ZP4: variants seen among roughly 807,000 people sequenced by gnomAD.
ZP4 encodes zona pellucida glycoprotein 4, also known as zona pellucida sperm-binding protein 4.
ZP4 carries 62 observed loss-of-function variants against 62.3 expected under a neutral mutation model. That is an observed-to-expected ratio of 0.99 (90% CI 0.81 to 1.23). The LOEUF (loss-of-function observed/expected upper bound fraction) is 1.23. Ranked by LOEUF, ZP4 falls within the 50% of genes most tolerant of loss-of-function variation. The probability of loss-of-function intolerance (pLI) is 0.00; values close to 1 mark genes in which losing one functional copy is unlikely to be tolerated. For synonymous variants in ZP4, 289 were observed against 247.3 expected (o/e 1.17, Z -1.58); for missense variants, 774 against 656.0 (o/e 1.18, Z -1.97).
In ZP4 at chr1:237,882,420, T is replaced by C. The variant is rs1171162682; in HGVS notation, c.*2A>G. The C allele has an allele frequency of 6.2e-7, 1 of 1,609,944 alleles. No homozygotes were observed. The highest frequency in any genetic ancestry group is 1.1e-5 in the South Asian group (1 of 90,184). On this transcript the variant is annotated 3_prime_UTR_variant, in exon 12 of 12. Coordinates refer to ENST00000366570, the MANE Select transcript of ZP4 (RefSeq NM_021186.5). ...AGCACAGGCTGGGAATACACTCTGGTTTTATTGACACATTTGGTCTGGGCA... is the reference window on the plus strand; with the variant it reads ...AGCACAGGCTGGGAATACACTCTGGCTTTATTGACACATTTGGTCTGGGCA...
Position 237,890,065 on chromosome 1 carries a change from A to G in ZP4, c.287T>C (p.Val96Ala). ...TTGGGTCATACTCACCCACTCAGTG[A>G]CATAGCAGCTGCTATAGGTTGCCTC... ...VLEATYSSCY[V>A]TEWDSHYIMP... is the part of the protein sequence containing the mutation. The change falls in exon 2 of 12, where the codon GTC (valine) becomes GCC (alanine). Residue 96 changes from valine (V) to alanine (A), a missense_variant. Transcript: ENST00000366570. The G allele has an allele frequency of 6.2e-7, 1 of 1,614,142 alleles. No homozygotes were observed. Among genetic ancestry groups the G allele is most frequent in the Non-Finnish European group, 8.5e-7 (1 of 1,180,024 alleles).
intron 3 of ZP4, among the ~76,000 whole-genome samples, chr1:237,889,464 A>G (rs1355802004): frequency 2.6e-5 from 4 of 151,860 alleles, no homozygotes; most frequent in African/African-American, 9.7e-5. Flanking sequence ...GATTACAGGC[A>G]TGTACCACCA....
chr1:237,887,339 A>C, intron 5 of ZP4, 35 bp downstream of exon 5: 1 of 1,604,662 alleles, frequency 6.2e-7, no homozygotes, highest in Non-Finnish European at 8.5e-7. Context: ...TTCCCACCCA[A>C]CTTCCAGAGC....
In ZP4 at chr1:237,887,635, C is replaced by G; in HGVS notation, c.554-74G>C. ...GGAGAACCAGATGAAAGTCTAACCA[C>G]TTAGTTACTTTTAATCCCACTGAGA... On this transcript the variant is annotated intron_variant, in intron 4 of 11. Transcript: ENST00000366570. The G allele has an allele frequency of 3.4e-6, 5 of 1,480,892 alleles. No individual in the cohort carries two copies. The East Asian group carries it at 9.2e-5, about 27-fold the overall frequency. The allele number at this position is 1,480,892 out of a possible 1,614,324, so 91.7% of individuals were successfully genotyped here.
rs1187747579 is a variant in ZP4 at position 237,888,417 on chromosome 1, TCA to T, written c.492_493del (p.Cys164Ter). 3.7e-6 allele frequency: 6 copies of T among 1,611,526 alleles called. No homozygotes were observed. Among genetic ancestry groups the T allele is most frequent in the South Asian group, 1.1e-5 (1 of 90,626 alleles). On this transcript the variant is annotated stop_gained and frameshift_variant, in exon 4 of 12. Coordinates refer to ENST00000366570, the MANE Select transcript of ZP4 (RefSeq NM_021186.5). LOFTEE classifies it high-confidence loss of function. ...AGAGCTATAACAACAGCCTAGCCCT[TCA>T]CAGTCTCCTCGAGAGATGGGTGAAG...
At chr1:237,889,808 G>A (rs993759478) in intron 3 of ZP4, 59 bp downstream of exon 3, 2 of 1,475,592 alleles carry the variant, frequency 1.4e-6, no homozygotes, top group Non-Finnish European at 1.9e-6. Context: ...AGGACCAAGA[G>A]TACTTTCACA....
intron 10 of ZP4, among the ~76,000 whole-genome samples, chr1:237,883,734 AG>A (rs1664987309): frequency 4.9e-5 from 2 of 40,760 alleles, no homozygotes; most frequent in Non-Finnish European, 1.1e-4. Context: ...CGGGGGAGGG[AG>A]AGAGAGGGAG....
Position 237,886,790 on chromosome 1 carries a change from T to C in ZP4, c.820A>G (p.Thr274Ala). 1 of 1,613,816 alleles carries C rather than the reference T, an allele frequency of 6.2e-7. No individual in the cohort carries two copies. The change falls in exon 6 of 12, where the codon ACT becomes GCT. Residue 274 changes from threonine (T) to alanine (A), a missense_variant. Transcript: ENST00000366570. ...DVKNGSRGSV[T>A]RDSIFRLHVS... ...CCTTACCTGAAGATGCTGTCACGAG[T>C]GACAGAGCCACGGCTCCCATTTTTC...
At position 237,882,798 on chromosome 1, in the gene ZP4, G is replaced by A. The variant is rs146603401; in HGVS notation, c.1439C>T (p.Ser480Phe). The A allele has an allele frequency of 1.2e-6, 2 of 1,614,006 alleles. No homozygotes were observed. The highest frequency in any genetic ancestry group is 1.3e-5 in the African/African-American group (1 of 74,914). ...GAGTAGAATCATGGGGCCTTTGCTA[G>A]AAACACTAGCAGTAGTGTTCTGAGA... Reference protein sequence around the residue: ...NSSQNTTASVSSKGPMILLQA... With the variant: ...NSSQNTTASVFSKGPMILLQA... Residue 480 changes from serine to phenylalanine, a missense_variant, in exon 11 of 12, where the codon TCT becomes TTT. Physicochemically the swap from Ser to Phe is radical, Grantham distance 155. Transcript: ENST00000366570.
Position 237,887,526 on chromosome 1 carries a change from T to C in ZP4, c.589A>G (p.Ile197Val). The C allele has an allele frequency of 1.9e-6, 3 of 1,614,054 alleles. No individual in the cohort carries two copies. Among genetic ancestry groups the C allele is most frequent in the Middle Eastern group, 1.6e-4 (1 of 6,062 alleles). Residue 197 changes from isoleucine to valine, a missense_variant, in exon 5 of 12, where the codon ATT becomes GTT. Ile to Val is a conservative substitution (Grantham distance 29). Transcript: ENST00000366570. Reference sequence around the variant, plus strand: ...GAGGTCACGTTCCGAGACACAGCAATAGAGAAATGGCCCTCTCGGGTACAA... The same window carrying C: ...GAGGTCACGTTCCGAGACACAGCAACAGAGAAATGGCCCTCTCGGGTACAA... ...LHCTREGHFS[I>V]AVSRNVTSPP... is the part of the protein sequence containing the mutation.
In ZP4 at chr1:237,886,845, A is replaced by G. The variant is rs2103018435; in HGVS notation, c.765T>C (p.Tyr255=). ...TRQITGDRAV[Y]ENELVATRDV... ...CCCTAGTTGCCACCAGTTCATTTTCATATACTGCTCGGTCTCCAGTGATCT... is the reference window on the plus strand; with the variant it reads ...CCCTAGTTGCCACCAGTTCATTTTCGTATACTGCTCGGTCTCCAGTGATCT... Residue 255 remains tyrosine (Y), a synonymous_variant, in exon 6 of 12, where the codon TAT becomes TAC. Coordinates refer to ENST00000366570, the MANE Select transcript of ZP4 (RefSeq NM_021186.5). 3.1e-6 allele frequency: 5 copies of G among 1,614,052 alleles called. No homozygotes were observed. The highest frequency in any genetic ancestry group is 2.2e-5 in the South Asian group (2 of 91,066).
chr1:237,883,973 C>CACACACAAACACAT (rs1665011664), intron 10 of ZP4, among the ~76,000 whole-genome samples: 1 of 61,100 alleles, frequency 1.6e-5, no homozygotes, highest in African/African-American at 8.5e-5. Flanking sequence ...CACAAACACA[C>CACACACAAACACAT]ACACACACAA....
At chr1:237,884,716 A>G in intron 10 of ZP4, 53 bp downstream of exon 10, 1 of 1,536,588 alleles carries the variant, frequency 6.5e-7, no homozygotes, top group Non-Finnish European at 9.0e-7. Context: ...GAAAGGTTAG[A>G]CATGGGACTC....
Position 237,882,517 on chromosome 1 carries a change from C to A in ZP4, c.1528G>T (p.Ala510Ser). ...AGGATTAAGGTCCCAGAAAGGCCTG[C>A]CACCCACAGAACTTTCGAGTCTACA... ...VPVDSKVLWVAGLSGTLILGA... is the reference protein window; with the variant it reads ...VPVDSKVLWVSGLSGTLILGA... The change falls in exon 12 of 12, where the codon GCA becomes TCA. Residue 510 changes from alanine to serine, a missense_variant. By Grantham distance (99) the Ala-to-Ser change is moderately conservative. Transcript: ENST00000366570. The A allele has an allele frequency of 6.2e-7, 1 of 1,606,730 alleles. No individual in the cohort carries two copies. Among genetic ancestry groups the A allele is most frequent in the Non-Finnish European group, 8.5e-7 (1 of 1,177,918 alleles).
Position 237,883,983 on chromosome 1 carries a change from AACACACAC to A in ZP4, c.1390+778_1390+785del, listed in dbSNP as rs1173733667. 9.9e-4 allele frequency among the ~76,000 whole-genome samples: 42 copies of A among 42,402 alleles called. 1 individual carries two copies. Among genetic ancestry groups the A allele is most frequent in the African/African-American group, 2.0e-3 (22 of 11,134 alleles). The allele number at this position is 42,402 out of a possible 152,430, so 27.8% of individuals were successfully genotyped here. A position where few individuals can be genotyped will look rare whatever the true frequency, so the allele number is the denominator to read the frequency against. On this transcript the variant is annotated intron_variant, in intron 10 of 11. Transcript: ENST00000366570. ...ACACACACAAACACACACACACACA[AACACACAC>A]ACACACACACACACACACACACACA...
In ZP4 at chr1:237,887,476, C is replaced by T. The variant is rs1665131839; in HGVS notation, c.639G>A (p.Val213=). The T allele has an allele frequency of 6.2e-7, 1 of 1,614,064 alleles. No homozygotes were observed. Among genetic ancestry groups the T allele is most frequent in the African/African-American group, 1.3e-5 (1 of 74,912 alleles). The change falls in exon 5 of 12, where the codon GTG becomes GTA. Residue 213 remains valine, a synonymous_variant. Coordinates refer to ENST00000366570, the MANE Select transcript of ZP4 (RefSeq NM_021186.5). ...VTSPPLLLDS[V]RLALRNDSAC... ...CACTGTCATTCCTAAGGGCCAAGCG[C>T]ACAGAATCCAAGAGCAGTGGTGGCG...
intron 11 of ZP4, 83 bp downstream of exon 11, chr1:237,882,659 G>C: frequency 1.3e-6 from 2 of 1,584,930 alleles, no homozygotes; most frequent in East Asian, 2.2e-5. Context: ...CTTTTGACTA[G>C]AACAAGAGGG....
Position 237,882,517 on chromosome 1 carries a change from C to T in ZP4, c.1528G>A (p.Ala510Thr). ...AGGATTAAGGTCCCAGAAAGGCCTGCCACCCACAGAACTTTCGAGTCTACA... is the reference window on the plus strand; with the variant it reads ...AGGATTAAGGTCCCAGAAAGGCCTGTCACCCACAGAACTTTCGAGTCTACA... The part of the protein sequence containing the change: ...VPVDSKVLWV[A>T]GLSGTLILGA... The change falls in exon 12 of 12, where the codon GCA (alanine) becomes ACA (threonine). Residue 510 changes from alanine to threonine, a missense_variant. Coordinates refer to ENST00000366570, the MANE Select transcript of ZP4 (RefSeq NM_021186.5). The T allele has an allele frequency of 6.2e-7, 1 of 1,606,730 alleles. No individual in the cohort carries two copies. Among genetic ancestry groups the T allele is most frequent in the South Asian group, 1.1e-5 (1 of 90,146 alleles).
chr1:237,884,006 ACACACACACAAACACAC>A (rs1558530951), intron 10 of ZP4, among the ~76,000 whole-genome samples: 1,743 of 92,404 alleles, frequency 0.019, 19 homozygotes, highest in Non-Finnish European at 0.025. Flanking sequence ...ACACACACAC[ACACACACACAAACACAC>A]ACACACACAA....
Sources: allele counts gnomAD v4.1 joint callset (sites outside exome capture counted in the v4.1 genomes callset), GRCh38; gene constraint gnomAD v4.1.1; transcripts MANE v1.5; gene names NCBI Gene and HGNC (gene_info 2026-07-23, HGNC 2026-07-21).